CAMKMT: variants seen among roughly 807,000 people sequenced by gnomAD.
CAMKMT encodes CaM KMT.
A neutral mutation model predicts 48.0 loss-of-function variants in CAMKMT; 53 were observed. The ratio of observed to expected loss-of-function variants is 1.10; its 90% CI spans 0.89 to 1.39. The LOEUF (loss-of-function observed/expected upper bound fraction) is 1.39, where lower values mean the gene tolerates loss of function less well. Ranked by LOEUF, CAMKMT falls within the 40% of genes most tolerant of loss-of-function variation. The pLI is 0.00. For missense variants in CAMKMT, 428 were observed against 402.7 expected, an observed-to-expected ratio of 1.06 and a Z score of -0.54; for synonymous variants, 165 against 152.3, an observed-to-expected ratio of 1.08 and a Z score of -0.61.
chr2:44,636,742 C>G (rs1673155869), intron 3 of CAMKMT, among the ~76,000 whole-genome samples: 1 of 152,090 alleles, frequency 6.6e-6, no homozygotes, highest in African/African-American at 2.4e-5. Flanking sequence ...AGTTTAAGAG[C>G]AACAATACAT....
chr2:44,560,326 G>T (rs1009409201), intron 3 of CAMKMT, among the ~76,000 whole-genome samples: 1 of 152,200 alleles, frequency 6.6e-6, no homozygotes, highest in Admixed American at 6.5e-5. Context: ...CTGTTGCTCA[G>T]GCTGGAGTGC....
chr2:44,557,644 T>C (rs1045796628), intron 3 of CAMKMT, among the ~76,000 whole-genome samples: 5 of 152,210 alleles, frequency 3.3e-5, no homozygotes, highest in African/African-American at 4.8e-5. Flanking sequence ...ATAATCTCTT[T>C]AGAGAAGCTT....
At chr2:44,670,583 T>TAA (rs1373083884) in intron 3 of CAMKMT, among the ~76,000 whole-genome samples, 1 of 152,092 alleles carries the variant, frequency 6.6e-6, no homozygotes, top group African/African-American at 2.4e-5. Context: ...GCCCCAGTGT[T>TAA]AAAGGCTGCA....
At chr2:44,564,654 C>T (rs1290471655) in intron 3 of CAMKMT, among the ~76,000 whole-genome samples, 1 of 152,172 alleles carries the variant, frequency 6.6e-6, no homozygotes, top group African/African-American at 2.4e-5. Flanking sequence ...TTCTCTCCTG[C>T]CTCAGCCTCC....
chr2:44,601,449 T>G (rs1291874207), intron 3 of CAMKMT, among the ~76,000 whole-genome samples: 2 of 151,902 alleles, frequency 1.3e-5, no homozygotes, highest in East Asian at 3.8e-4. Flanking sequence ...AGAGTGAAAC[T>G]CTGTCTCAAA....
At chr2:44,387,986 G>T (rs1363501157) in intron 2 of CAMKMT, among the ~76,000 whole-genome samples, 1 of 152,118 alleles carries the variant, frequency 6.6e-6, no homozygotes, top group African/African-American at 2.4e-5. Context: ...CTTAACTTTT[G>T]ATAATCGATG....
intron 3 of CAMKMT, among the ~76,000 whole-genome samples, chr2:44,471,453 A>G (rs1668413653): frequency 6.6e-6 from 1 of 152,010 alleles, no homozygotes; most frequent in African/African-American, 2.4e-5. Context: ...TACAAAATTT[A>G]GCTGGTGGTG....
chr2:44,616,754 G>A lies in CAMKMT; in HGVS notation c.377-87529G>A, dbSNP rs572504014. ...AGGTTGGCCTTTCTGAACTTTATGT[G>A]TTGCTACATACAGGAGTTAAAAACC... On this transcript the variant is annotated intron_variant, in intron 3 of 10. Transcript: ENST00000378494. 1.1e-4 allele frequency among the ~76,000 whole-genome samples: 16 copies of A among 151,762 alleles called. No homozygotes were observed. The South Asian group carries it at 3.1e-3, about 30-fold the overall frequency.
intron 2 of CAMKMT, among the ~76,000 whole-genome samples, chr2:44,386,818 A>G (rs1392410377): frequency 6.6e-6 from 1 of 152,022 alleles, no homozygotes; most frequent in Non-Finnish European, 1.5e-5. Context: ...ATATATTTGC[A>G]TGGTTTTGAA....
At chr2:44,704,556 T>C (rs1465454403) in intron 4 of CAMKMT, among the ~76,000 whole-genome samples, 1 of 152,082 alleles carries the variant, frequency 6.6e-6, no homozygotes, top group Non-Finnish European at 1.5e-5. Context: ...TGGGTACTAA[T>C]ATTGCACAGC....
chr2:44,579,983 T>A (rs1669459101), intron 3 of CAMKMT, among the ~76,000 whole-genome samples: 1 of 152,146 alleles, frequency 6.6e-6, no homozygotes, highest in African/African-American at 2.4e-5. Flanking sequence ...GTGTCCTAGT[T>A]TTTTTTAGAC....
chr2:44,372,205 C>T (rs956857951), intron 1 of CAMKMT, among the ~76,000 whole-genome samples: 8 of 152,134 alleles, frequency 5.3e-5, no homozygotes, highest in African/African-American at 1.9e-4. Flanking sequence ...AGACTGCAAG[C>T]CAAGTGCTGT....
chr2:44,550,906 TG>T (rs1164182707), intron 3 of CAMKMT: 3 of 152,218 alleles, frequency 2.0e-5, no homozygotes, highest in Non-Finnish European at 2.9e-5. Context: ...CTGCCGAGAA[TG>T]GGGCTTGAGA....
At chr2:44,393,225 C>T (rs993038760) in intron 3 of CAMKMT, 5 of 152,034 alleles carry the variant, frequency 3.3e-5, no homozygotes, top group Non-Finnish European at 7.4e-5. Context: ...GAAAATAAAC[C>T]TCTAGATAAC....
chr2:44,382,444 G>T (rs1040244484), intron 2 of CAMKMT, among the ~76,000 whole-genome samples: 1 of 150,970 alleles, frequency 6.6e-6, no homozygotes, highest in East Asian at 1.9e-4. Context: ...TGCTTATTTG[G>T]TCAGTCATAT....
At chr2:44,496,088 C>T (rs978333369) in intron 3 of CAMKMT, among the ~76,000 whole-genome samples, 1 of 152,134 alleles carries the variant, frequency 6.6e-6, no homozygotes, top group Non-Finnish European at 1.5e-5. Context: ...TTGTAAAATG[C>T]CAAAGCATTT....
intron 3 of CAMKMT, among the ~76,000 whole-genome samples, chr2:44,685,810 A>G (rs1676303532): frequency 6.6e-6 from 1 of 152,200 alleles, no homozygotes; most frequent in Non-Finnish European, 1.5e-5. Context: ...TGACTTAGAA[A>G]TAATATTCTG....
rs142171089 is a variant in CAMKMT at position 44,657,306 on chromosome 2, G to T, written c.377-46977G>T. ...CAGAAGAGTGTTGCACAAGTTAATT[G>T]ATTTTCAGTGGTTACATATAACATA... On this transcript the variant is annotated intron_variant, in intron 3 of 10. Coordinates refer to ENST00000378494, the MANE Select transcript of CAMKMT (RefSeq NM_024766.5). This position sits in a 1 kb window ranked among gnomAD's most constrained non-coding sequence, Gnocchi z 4.3. Among the ~76,000 whole-genome samples the T allele has an allele frequency of 6.6e-6, 1 of 152,268 alleles. No homozygotes were observed. Among genetic ancestry groups the T allele is most frequent in the East Asian group, 1.9e-4 (1 of 5,180 alleles).
At chr2:44,439,566 C>T (rs941178596) in intron 3 of CAMKMT, among the ~76,000 whole-genome samples, 1 of 151,970 alleles carries the variant, frequency 6.6e-6, no homozygotes, top group Non-Finnish European at 1.5e-5. Flanking sequence ...GGGCCGGGCG[C>T]AGTGGCTCAC....
Sources: allele counts gnomAD v4.1 joint callset (sites outside exome capture counted in the v4.1 genomes callset), GRCh38; gene constraint gnomAD v4.1.1; non-coding constraint Gnocchi (gnomAD v3.1); transcripts MANE v1.5; gene names NCBI Gene and HGNC (gene_info 2026-07-23, HGNC 2026-07-21).